Variants in RUVBL1 observed in about 807,000 individuals in gnomAD.
RUVBL1 encodes the protein ruvB-like 1.
In RUVBL1, 4 loss-of-function variants were observed where a neutral mutation model predicts 52.4. That is an observed-to-expected ratio of 0.08 (90% CI 0.04 to 0.17). The LOEUF is 0.17. Ranked by LOEUF, RUVBL1 falls within the 10% of genes least tolerant of loss-of-function variation. The probability of loss-of-function intolerance (pLI) is 1.00; values close to 1 mark genes in which losing one functional copy is unlikely to be tolerated. For synonymous variants in RUVBL1, 217 were observed against 214.4 expected (o/e 1.01, Z -0.10); for missense variants, 298 against 572.8 (o/e 0.52, Z 4.90).
chr3:128,114,046 A>C (rs1452973674), intron 2 of RUVBL1, among the ~76,000 whole-genome samples: 1 of 152,242 alleles, frequency 6.6e-6, no homozygotes, highest in East Asian at 1.9e-4. Flanking sequence ...TTGACAAGAT[A>C]ATTACAGCTG....
At chr3:128,150,489 A>G (rs1018616417) in intron 1 of RUVBL1, among the ~76,000 whole-genome samples, 8 of 147,806 alleles carry the variant, frequency 5.4e-5, no homozygotes, top group African/African-American at 2.0e-4. Context: ...TCCATTATAT[A>G]TATATATATG....
downstream of RUVBL1, among the ~76,000 whole-genome samples, chr3:128,076,590 G>A (rs965161654): frequency 1.3e-5 from 2 of 152,164 alleles, no homozygotes; most frequent in East Asian, 3.9e-4. This position sits in a 1 kb window ranked among gnomAD's most constrained non-coding sequence, Gnocchi z 6.8. Flanking sequence ...GCCTAGGCCA[G>A]GCAGGGATCG....
chr3:128,089,340 GC>G (rs1363586214), intron 8 of RUVBL1, among the ~76,000 whole-genome samples: 3 of 152,216 alleles, frequency 2.0e-5, no homozygotes, highest in Non-Finnish European at 4.4e-5. Flanking sequence ...TGTTTGGAGG[GC>G]CCAAGTGCTG....
At chr3:128,152,719 C>T (rs1021479137) in intron 1 of RUVBL1, among the ~76,000 whole-genome samples, 3 of 152,106 alleles carry the variant, frequency 2.0e-5, no homozygotes, top group African/African-American at 7.2e-5. Flanking sequence ...AATGGAGCCG[C>T]GGACCTTCGC....
At chr3:128,128,025 T>C (rs77018733), upstream of RUVBL1, among the ~76,000 whole-genome samples, 1 of 151,920 alleles carries the variant, frequency 6.6e-6, no homozygotes, top group African/African-American at 2.4e-5. Flanking sequence ...CATACATACA[T>C]ACATACATAC....
chr3:128,088,727 C>T (rs912018969), intron 8 of RUVBL1, among the ~76,000 whole-genome samples: 23 of 151,770 alleles, frequency 1.5e-4, no homozygotes, highest in Non-Finnish European at 8.8e-5. Context: ...CTCAGCCTCC[C>T]GAGTAGCTTG....
chr3:128,119,487 G>A lies in RUVBL1; in HGVS notation c.142-73C>T. On this transcript the variant is annotated intron_variant, in intron 1 of 10. Coordinates refer to ENST00000322623, the MANE Select transcript of RUVBL1 (RefSeq NM_003707.3). Reference sequence around the variant, plus strand: ...CACAAGGGGAAAAATCTCAGTCCCTGGCCTACACAAGTCACACACTCATCC... The same window carrying A: ...CACAAGGGGAAAAATCTCAGTCCCTAGCCTACACAAGTCACACACTCATCC... 3.2e-6 allele frequency: 4 copies of A among 1,251,230 alleles called. No individual in the cohort carries two copies. The South Asian group carries it at 5.2e-5, about 16-fold the overall frequency. 77.5% of individuals were successfully genotyped at this position (1,251,230 alleles called of 1,614,324 possible). A position where few individuals can be genotyped will look rare whatever the true frequency, so the allele number is the denominator to read the frequency against.
upstream of RUVBL1, chr3:128,123,923 C>T (rs1943722916): frequency 5.7e-6 from 7 of 1,238,312 alleles, no homozygotes; most frequent in East Asian, 2.3e-4. Flanking sequence ...GCTAGAGCTC[C>T]GGTCACCCAC....
chr3:128,101,312 C>A (rs36022785), intron 5 of RUVBL1, among the ~76,000 whole-genome samples: 2,199 of 152,292 alleles, frequency 0.014, 29 homozygotes, highest in Non-Finnish European at 0.024. Context: ...CCCCTCTGAA[C>A]AGGTTTTAGT....
chr3:128,142,072 A>T (rs1944031406), intron 1 of RUVBL1: 1 of 152,310 alleles, frequency 6.6e-6, no homozygotes, highest in East Asian at 1.9e-4. Context: ...GACAGAGGTC[A>T]GGTTAGCAAG....
intron 8 of RUVBL1, among the ~76,000 whole-genome samples, chr3:128,096,657 T>G (rs1448514746): frequency 6.6e-6 from 1 of 152,028 alleles, no homozygotes; most frequent in African/African-American, 2.4e-5. Flanking sequence ...AAACCCTGTC[T>G]CTACTAAAAA....
chr3:128,100,137 A>C (rs994465903), intron 6 of RUVBL1, among the ~76,000 whole-genome samples: 3 of 152,254 alleles, frequency 2.0e-5, no homozygotes, highest in Admixed American at 2.0e-4. Flanking sequence ...TAGCCAAGGC[A>C]TAAGTATCCA....
chr3:128,140,232 G>GTT (rs60288042), intron 1 of RUVBL1, among the ~76,000 whole-genome samples: 1,995 of 117,222 alleles, frequency 0.017, 69 homozygotes, highest in East Asian at 0.05. Flanking sequence ...TTGTTTGTTT[G>GTT]TTTTTTTTTT....
intron 8 of RUVBL1, among the ~76,000 whole-genome samples, chr3:128,088,342 AT>A (rs1942717469): frequency 1.3e-5 from 2 of 150,496 alleles, no homozygotes; most frequent in African/African-American, 4.9e-5. Context: ...GAGGAAAAAA[AT>A]AACTAAAATC....
intron 1 of RUVBL1, among the ~76,000 whole-genome samples, chr3:128,134,555 G>A (rs1943923914): frequency 6.6e-6 from 1 of 151,906 alleles, no homozygotes. Flanking sequence ...GGGAGGCCAA[G>A]GGTGGCAGAC....
chr3:128,109,809 ATTTT>A (rs60187195), intron 3 of RUVBL1, among the ~76,000 whole-genome samples: 2 of 80,486 alleles, frequency 2.5e-5, no homozygotes, highest in African/African-American at 5.1e-5. Flanking sequence ...CTCTCTGTAA[ATTTT>A]TTTTTTTTTT....
At chr3:128,140,133 T>G (rs1226120636) in intron 1 of RUVBL1, among the ~76,000 whole-genome samples, 1 of 151,866 alleles carries the variant, frequency 6.6e-6, no homozygotes, top group Non-Finnish European at 1.5e-5. Context: ...AAATATCTCA[T>G]GTACTCCTTA....
chr3:128,149,552 AT>A (rs1216092495), intron 1 of RUVBL1, among the ~76,000 whole-genome samples: 1 of 152,168 alleles, frequency 6.6e-6, no homozygotes, highest in African/African-American at 2.4e-5. Context: ...TGTTTATAAT[AT>A]TTTGCTACTA....
Position 128,098,942 on chromosome 3 carries a change from C to T in RUVBL1, c.757G>A (p.Gly253Arg). ...CCCATCATGGACAGGATATCTTGTCCCCCCTGCATAAGAGAAGACTTAGAG... is the reference window on the plus strand; with the variant it reads ...CCCATCATGGACAGGATATCTTGTCTCCCCTGCATAAGAGAAGACTTAGAG... The part of the protein sequence containing the change: ...LDVANARPQG[G>R]QDILSMMGQL... The change falls in exon 7 of 11, where the codon GGA (glycine) becomes AGA (arginine). Residue 253 changes from glycine to arginine, a missense_variant. This residue lies in a region of RUVBL1 where 161 missense variants were observed against 298.3 expected (regional missense o/e 0.54). Transcript: ENST00000322623. 6.2e-7 allele frequency: 1 copy of T among 1,613,710 alleles called. No homozygotes were observed. The highest frequency in any genetic ancestry group is 8.5e-7 in the Non-Finnish European group (1 of 1,179,772).
Sources: allele counts gnomAD v4.1 joint callset (sites outside exome capture counted in the v4.1 genomes callset), GRCh38; gene constraint gnomAD v4.1.1; regional missense constraint gnomAD v4.1.1; non-coding constraint Gnocchi (gnomAD v3.1); transcripts MANE v1.5; gene names NCBI Gene and HGNC (gene_info 2026-07-23, HGNC 2026-07-21).